Variants in RPTOR observed in about 807,000 individuals in gnomAD.
RPTOR encodes regulatory-associated protein of mTOR.
RPTOR carries 21 observed loss-of-function variants against 169.9 expected under a neutral mutation model. The ratio of observed to expected loss-of-function variants is 0.12; its 90% CI spans 0.09 to 0.18. RPTOR has a LOEUF of 0.18. RPTOR is among the 10% of genes least tolerant of loss of function. The pLI is 1.00. For missense variants in RPTOR, 1,133 were observed against 1,855.9 expected (o/e 0.61, Z 7.16); for synonymous variants, 732 against 753.2 (o/e 0.97, Z 0.46).
rs1046692555 is a variant in RPTOR, at chr17:80,754,289, C to T, written c.830+104C>T. 1.7e-5 allele frequency: 20 copies of T among 1,168,016 alleles called. No individual in the cohort carries two copies. Among genetic ancestry groups the T allele is most frequent in the Middle Eastern group, 2.6e-4 (1 of 3,844 alleles). The allele number at this position is 1,168,016 out of a possible 1,614,324, so 72.4% of individuals were successfully genotyped here. A position where few individuals can be genotyped will look rare whatever the true frequency, so the allele number is the denominator to read the frequency against. ...GCATTCACCTGGTCCCAGGAGCCCA[C>T]GTGACAGACATGAGTGTCCCCGCCT... On this transcript the variant is annotated intron_variant, in intron 6 of 33. Coordinates refer to ENST00000306801, the MANE Select transcript of RPTOR (RefSeq NM_020761.3). The surrounding 1 kb of genome is among the most constrained non-coding windows in gnomAD (Gnocchi z 4.2).
intron 3 of RPTOR, among the ~76,000 whole-genome samples, chr17:80,679,762 T>C (rs2065884709): frequency 2.0e-5 from 3 of 152,264 alleles, no homozygotes; most frequent in Non-Finnish European, 4.4e-5. Flanking sequence ...GTTTAGCTGT[T>C]GTCATTCAAA....
intron 11 of RPTOR, among the ~76,000 whole-genome samples, chr17:80,853,415 A>C (rs2067816366): frequency 6.6e-6 from 1 of 152,134 alleles, no homozygotes; most frequent in Non-Finnish European, 1.5e-5. Context: ...AGGCCAGGTC[A>C]GGGGCTCCCA....
chr17:80,924,941 C>T (rs145738654), intron 23 of RPTOR, among the ~76,000 whole-genome samples: 3 of 152,368 alleles, frequency 2.0e-5, no homozygotes, highest in East Asian at 1.9e-4. Flanking sequence ...CTGTGCGCTC[C>T]GTCCAGGCCA....
chr17:80,898,294 T>C (rs4969292), intron 20 of RPTOR, among the ~76,000 whole-genome samples: 109,826 of 151,440 alleles, frequency 0.73, 40,206 homozygotes, highest in Admixed American at 0.78. Flanking sequence ...TTTAGCTGCT[T>C]TTACTGATAT....
Position 80,633,138 on chromosome 17 carries a change from A to G in RPTOR, c.265+7345A>G, listed in dbSNP as rs903122078. ...AAAAAAAGTTCCAAAAGTTGCAAGT[A>G]TAGTACTAAGCTGTTTCCTTTCTGA... On this transcript the variant is annotated intron_variant, in intron 2 of 33. Transcript: ENST00000306801. The surrounding 1 kb of genome is among the most constrained non-coding windows in gnomAD (Gnocchi z 4.1). Among the ~76,000 whole-genome samples, 2 of 152,196 alleles carry G rather than the reference A, an allele frequency of 1.3e-5. No homozygotes were observed. The highest frequency in any genetic ancestry group is 4.8e-5 in the African/African-American group (2 of 41,434).
intron 21 of RPTOR, among the ~76,000 whole-genome samples, chr17:80,918,858 G>T (rs2068711861): frequency 6.6e-6 from 1 of 152,122 alleles, no homozygotes; most frequent in Non-Finnish European, 1.5e-5. Context: ...CCCAGGTGCA[G>T]AGAGGGCTCC....
At chr17:80,922,178 T>C (rs570456653) in intron 21 of RPTOR, among the ~76,000 whole-genome samples, 18 of 152,304 alleles carry the variant, frequency 1.2e-4, no homozygotes, top group Middle Eastern at 3.4e-3. Flanking sequence ...CCCGGGTGGA[T>C]GAAGCACTCC....
intron 1 of RPTOR, among the ~76,000 whole-genome samples, chr17:80,595,373 C>T (rs2143425089): frequency 6.6e-6 from 1 of 152,330 alleles, no homozygotes; most frequent in South Asian, 2.1e-4. Flanking sequence ...CTGTGGCTTT[C>T]CATTGTGAGG....
intron 3 of RPTOR, among the ~76,000 whole-genome samples, chr17:80,704,257 A>G (rs2066125444): frequency 6.6e-6 from 1 of 152,228 alleles, no homozygotes; most frequent in Non-Finnish European, 1.5e-5. Context: ...TGACAGCTGA[A>G]TAAAATGTTT....
At chr17:80,644,032 C>T (rs2065573570) in intron 3 of RPTOR, among the ~76,000 whole-genome samples, 1 of 152,222 alleles carries the variant, frequency 6.6e-6, no homozygotes, top group Non-Finnish European at 1.5e-5. Flanking sequence ...TTGCATTGGA[C>T]AGTCCAACTT....
Position 80,944,499 on chromosome 17 carries a change from G to A in RPTOR, c.3026-1168G>A, listed in dbSNP as rs1003950954. ...TTTTGAGCAAAGGCATTAACCCTGC[G>A]GCCAGGGCCCCTGGGCCCTCATTCT... On this transcript the variant is annotated intron_variant, in intron 25 of 33. Coordinates refer to ENST00000306801, the MANE Select transcript of RPTOR (RefSeq NM_020761.3). 1.9e-4 allele frequency among the ~76,000 whole-genome samples: 29 copies of A among 152,282 alleles called. No individual in the cohort carries two copies. The East Asian group carries it at 2.7e-3, about 14-fold the overall frequency.
rs527645115 is a variant in RPTOR at position 80,564,308 on chromosome 17, C to T, written c.162+18517C>T. Among the ~76,000 whole-genome samples the T allele has an allele frequency of 3.9e-5, 6 of 151,944 alleles. No homozygotes were observed. In the South Asian group the frequency reaches 6.2e-4, roughly 16 times the overall value. ...CAATCTCCTGACCTTGTGATCTGCC[C>T]GCCTCGGCCTCCCAAAGTGCTGGGA... On this transcript the variant is annotated intron_variant, in intron 1 of 33. Coordinates refer to ENST00000306801, the MANE Select transcript of RPTOR (RefSeq NM_020761.3).
chr17:80,841,165 A>G (rs2067644415), intron 10 of RPTOR, among the ~76,000 whole-genome samples: 1 of 120,306 alleles, frequency 8.3e-6, no homozygotes. Flanking sequence ...ACGGCAGCTC[A>G]CTCTCACCGC....
chr17:80,934,480 T>G (rs2068932984), intron 24 of RPTOR, among the ~76,000 whole-genome samples: 1 of 152,254 alleles, frequency 6.6e-6, no homozygotes, highest in East Asian at 1.9e-4. Context: ...CACCTCTTCC[T>G]CCCCAGGAGC....
intron 3 of RPTOR, among the ~76,000 whole-genome samples, chr17:80,655,862 G>A (rs2065675696): frequency 6.6e-6 from 1 of 152,092 alleles, no homozygotes; most frequent in African/African-American, 2.4e-5. Flanking sequence ...GCTGGGTGTG[G>A]CATATGTGTA....
At chr17:80,888,984 G>A (rs2068283073) in intron 17 of RPTOR, among the ~76,000 whole-genome samples, 1 of 152,232 alleles carries the variant, frequency 6.6e-6, no homozygotes, top group Non-Finnish European at 1.5e-5. Flanking sequence ...CAGGAGGGCA[G>A]TGGGGCAGGT....
At chr17:80,685,232 C>T (rs531495638) in intron 3 of RPTOR, among the ~76,000 whole-genome samples, 13 of 151,618 alleles carry the variant, frequency 8.6e-5, no homozygotes, top group African/African-American at 3.1e-4. Flanking sequence ...CCAGTGTGTG[C>T]AGTCTGGGAG....
chr17:80,939,204 T>C (rs992265849), intron 24 of RPTOR, among the ~76,000 whole-genome samples: 1 of 152,244 alleles, frequency 6.6e-6, no homozygotes, highest in African/African-American at 2.4e-5. Flanking sequence ...CTGGACGGCA[T>C]GTATGCTTAA....
At chr17:80,608,448 C>T (rs1018392826) in intron 1 of RPTOR, among the ~76,000 whole-genome samples, 9 of 152,146 alleles carry the variant, frequency 5.9e-5, no homozygotes, top group African/African-American at 2.2e-4. Flanking sequence ...AATGTATACT[C>T]TAATCTCATT....
Sources: allele counts gnomAD v4.1 joint callset (sites outside exome capture counted in the v4.1 genomes callset), GRCh38; gene constraint gnomAD v4.1.1; non-coding constraint Gnocchi (gnomAD v3.1); transcripts MANE v1.5; gene names NCBI Gene and HGNC (gene_info 2026-07-23, HGNC 2026-07-21).